ARHGEF18: variants seen among roughly 807,000 people sequenced by gnomAD.
The protein encoded by ARHGEF18 is Rho/Rac guanine nucleotide exchange factor 18, also known as rho guanine nucleotide exchange factor 18.
Under a neutral mutation model 155.7 loss-of-function variants are expected in ARHGEF18, and 93 were observed. The observed-to-expected ratio is 0.60, with a 90% CI of 0.50 to 0.71. The LOEUF is 0.71. Ranked by LOEUF, ARHGEF18 falls within the 30% of genes least tolerant of loss-of-function variation. The pLI, the probability that ARHGEF18 is intolerant of heterozygous loss-of-function variation, is 0.00. For missense variants in ARHGEF18, 1,593 were observed against 1,816.1 expected (o/e 0.88, Z 2.23); for synonymous variants, 742 against 753.1 (o/e 0.99, Z 0.24).
intron 13 of ARHGEF18, among the ~76,000 whole-genome samples, chr19:7,443,732 C>T (rs1289851042): frequency 6.6e-6 from 1 of 152,060 alleles, no homozygotes; most frequent in East Asian, 1.9e-4. Flanking sequence ...CCTCAGAACA[C>T]TCTTCTTCCT....
intron 10 of ARHGEF18, among the ~76,000 whole-genome samples, chr19:7,436,793 T>C (rs1974287210): frequency 6.6e-6 from 1 of 152,178 alleles, no homozygotes; most frequent in Non-Finnish European, 1.5e-5. Flanking sequence ...TGGCAAGAAA[T>C]GCCTGTCCTG....
intron 10 of ARHGEF18, among the ~76,000 whole-genome samples, chr19:7,385,833 ATCTCTCTCTCTCTCTC>A (rs762196307): frequency 3.8e-5 from 2 of 51,976 alleles, no homozygotes; most frequent in African/African-American, 7.2e-5. Context: ...ATCTCTCTCT[ATCTCTCTCTCTCTCTC>A]TCTCTCTCTC....
At chr19:7,442,081 C>T (rs1367878469) in intron 13 of ARHGEF18, 29 bp downstream of exon 13, 1 of 1,612,222 alleles carries the variant, frequency 6.2e-7, no homozygotes, top group South Asian at 1.1e-5. Flanking sequence ...TGTGCCATCA[C>T]ACCGGCCCTC....
At chr19:7,422,012 A>G (rs1161709332) in intron 10 of ARHGEF18, among the ~76,000 whole-genome samples, 1 of 151,790 alleles carries the variant, frequency 6.6e-6, no homozygotes, top group Non-Finnish European at 1.5e-5. Context: ...TTACCGGGGC[A>G]CCAAGCCCTG....
intron 10 of ARHGEF18, among the ~76,000 whole-genome samples, chr19:7,384,609 A>G (rs1304738103): frequency 6.6e-6 from 1 of 151,062 alleles, no homozygotes; most frequent in Non-Finnish European, 1.5e-5. Flanking sequence ...TTCCTCTTTG[A>G]GCTCCCTCTG....
chr19:7,459,026 C>T (rs2145870177), intron 19 of ARHGEF18, among the ~76,000 whole-genome samples: 1 of 152,278 alleles, frequency 6.6e-6, no homozygotes, highest in South Asian at 2.1e-4. Context: ...CCAGAACCAG[C>T]TGGCTTCCCC....
chr19:7,419,059 C>T (rs1484863262), intron 10 of ARHGEF18, among the ~76,000 whole-genome samples: 1 of 133,878 alleles, frequency 7.5e-6, no homozygotes, highest in Non-Finnish European at 1.5e-5. Context: ...CTCTGTACCC[C>T]AGATGTACCC....
intron 10 of ARHGEF18, among the ~76,000 whole-genome samples, chr19:7,419,088 CTGATGTA>C: frequency 6.7e-5 from 10 of 148,586 alleles, no homozygotes; most frequent in African/African-American, 2.0e-4. Flanking sequence ...CCTCTGTACC[CTGATGTA>C]CCCACACTTG....
At chr19:7,375,354 A>AG (rs1242095500) in intron 3 of ARHGEF18, among the ~76,000 whole-genome samples, 6 of 142,286 alleles carry the variant, frequency 4.2e-5, no homozygotes, top group African/African-American at 1.3e-4. Flanking sequence ...AAAAGAAAGA[A>AG]AAGGAAGGAA....
chr19:7,474,133 G>A (rs531003793), downstream of ARHGEF18, among the ~76,000 whole-genome samples: 179 of 152,100 alleles, frequency 1.2e-3, no homozygotes, highest in Middle Eastern at 0.027. Context: ...GAGGTCCGGA[G>A]TTTGAGACCA....
intron 15 of ARHGEF18, among the ~76,000 whole-genome samples, chr19:7,448,137 G>C (rs1470293724): frequency 1.3e-5 from 2 of 152,208 alleles, no homozygotes; most frequent in African/African-American, 2.4e-5. Context: ...GACACAAAGG[G>C]TCGTTTGAAG....
chr19:7,425,347 C>A (rs1431313745), intron 10 of ARHGEF18, among the ~76,000 whole-genome samples: 1 of 152,058 alleles, frequency 6.6e-6, no homozygotes, highest in Non-Finnish European at 1.5e-5. Context: ...TGGGGGTCTC[C>A]CCCTACTTCC....
Position 7,444,799 on chromosome 19 carries a change from C to T in ARHGEF18, c.1611+345C>T, listed in dbSNP as rs922813609. On this transcript the variant is annotated intron_variant, in intron 14 of 28. Transcript: ENST00000668164. This position sits in a 1 kb window ranked among gnomAD's most constrained non-coding sequence, Gnocchi z 4.7. Reference sequence around the variant, plus strand: ...GCTGGGACTCCAGGGAACACCATGCCTGGCTAACTTTTTATTTTTTGAAGA... The same window carrying T: ...GCTGGGACTCCAGGGAACACCATGCTTGGCTAACTTTTTATTTTTTGAAGA... Among the ~76,000 whole-genome samples, 12 of 152,146 alleles carry T rather than the reference C, an allele frequency of 7.9e-5. No individual in the cohort carries two copies. The highest frequency in any genetic ancestry group is 2.7e-4 in the African/African-American group (11 of 41,432).
At chr19:7,477,613 C>G in the ARHGEF18 span, among the ~76,000 whole-genome samples, 1 of 152,170 alleles carries the variant, frequency 6.6e-6, no homozygotes, top group African/African-American at 2.4e-5. Context: ...ATCACCCCCC[C>G]GACCCAAGCA....
At chr19:7,431,510 CAAAA>C (rs34609858) in intron 10 of ARHGEF18, among the ~76,000 whole-genome samples, 271 of 51,280 alleles carry the variant, frequency 5.3e-3, no homozygotes, top group African/African-American at 0.02. Flanking sequence ...GACTCCATCT[CAAAA>C]AAAAAAAAAA....
At chr19:7,382,998 C>A (rs1769858528) in intron 9 of ARHGEF18, 64 bp from the exon 10 acceptor site, 1 of 1,232,302 alleles carries the variant, frequency 8.1e-7, no homozygotes, top group Non-Finnish European at 1.0e-6. Context: ...GGGCTGGGTA[C>A]ACAGTATATA....
rs1970823530 is a variant in ARHGEF18, at chr19:7,383,079, T to C, written c.843T>C (p.His281=). The C allele has an allele frequency of 8.1e-6, 10 of 1,232,370 alleles. No individual in the cohort carries two copies. The South Asian group carries it at 3.3e-4, about 41-fold the overall frequency. The allele number at this position is 1,232,370 out of a possible 1,614,324, so 76.3% of individuals were successfully genotyped here. Residue 281 remains histidine (H), a synonymous_variant, in exon 10 of 29, where the codon CAT becomes CAC. Coordinates refer to ENST00000668164, the MANE Select transcript of ARHGEF18 (RefSeq NM_001367823.1). ...CCATCCAGGGGAAGAGCCCAGCACATCTGAAGGACAAGGGCCAGGATGCAC... is the reference window on the plus strand; with the variant it reads ...CCATCCAGGGGAAGAGCCCAGCACACCTGAAGGACAAGGGCCAGGATGCAC... ...RQKEKGKSPA[H]LKDKGQDARE... is the part of the protein sequence containing the mutation.
intron 10 of ARHGEF18, among the ~76,000 whole-genome samples, chr19:7,404,843 T>G (rs1415061681): frequency 6.6e-6 from 1 of 152,116 alleles, no homozygotes; most frequent in Non-Finnish European, 1.5e-5. Context: ...TGCTTTTGTT[T>G]TGACCAAAAA....
chr19:7,396,826 C>T (rs1473648453), intron 10 of ARHGEF18, among the ~76,000 whole-genome samples: 1 of 151,958 alleles, frequency 6.6e-6, no homozygotes, highest in Non-Finnish European at 1.5e-5. Context: ...TCCGTCTTCC[C>T]ATCTTTAAAA....
Sources: allele counts gnomAD v4.1 joint callset (sites outside exome capture counted in the v4.1 genomes callset), GRCh38; gene constraint gnomAD v4.1.1; non-coding constraint Gnocchi (gnomAD v3.1); transcripts MANE v1.5; gene names NCBI Gene and HGNC (gene_info 2026-07-23, HGNC 2026-07-21).